SORCS2: variants seen among roughly 807,000 people sequenced by gnomAD.
The protein encoded by SORCS2 is sortilin related VPS10 domain containing receptor 2, also known as VPS10 domain-containing receptor SorCS2.
In SORCS2, 100 loss-of-function variants were observed where a neutral mutation model predicts 141.6. The observed-to-expected ratio is 0.71, with a 90% CI of 0.60 to 0.83. SORCS2 has a LOEUF of 0.83. Ranked by LOEUF, SORCS2 falls within the 40% of genes least tolerant of loss-of-function variation. The pLI is 0.00. For missense variants in SORCS2, 1,646 were observed against 1,560.2 expected (o/e 1.05, Z -0.93); for synonymous variants, 789 against 676.9 (o/e 1.17, Z -2.57).
At chr4:7,443,309 G>GCC (rs1339025679) in intron 2 of SORCS2, among the ~76,000 whole-genome samples, 39 of 152,264 alleles carry the variant, frequency 2.6e-4, no homozygotes, top group African/African-American at 8.7e-4. Flanking sequence ...AAGAAGTCTG[G>GCC]AAGGGGAGGC....
chr4:7,561,627 C>T (rs1164173486), intron 3 of SORCS2, among the ~76,000 whole-genome samples: 1 of 134,482 alleles, frequency 7.4e-6, no homozygotes, highest in African/African-American at 3.0e-5. Context: ...CGTCTATCTA[C>T]CCATTCATCT....
intron 1 of SORCS2, among the ~76,000 whole-genome samples, chr4:7,321,194 A>G (rs1014580071): frequency 2.8e-4 from 43 of 152,270 alleles, no homozygotes; most frequent in African/African-American, 9.9e-4. Context: ...AACATAGAGT[A>G]TTTGGTTTTC....
chr4:7,315,525 T>C (rs1394534091), intron 1 of SORCS2, among the ~76,000 whole-genome samples: 1 of 142,964 alleles, frequency 7.0e-6, no homozygotes, highest in African/African-American at 2.5e-5. Flanking sequence ...GGACCTGGAG[T>C]AGCCCAGGGT....
intron 4 of SORCS2, among the ~76,000 whole-genome samples, chr4:7,639,777 G>C (rs1720526876): frequency 6.6e-6 from 1 of 151,854 alleles, no homozygotes; most frequent in South Asian, 2.1e-4. Flanking sequence ...GTGAACGTGT[G>C]TGTGTGTGGG....
intron 3 of SORCS2, among the ~76,000 whole-genome samples, chr4:7,582,278 A>G (rs1402387891): frequency 1.3e-5 from 2 of 152,232 alleles, no homozygotes; most frequent in Non-Finnish European, 2.9e-5. Context: ...TTTTGAATCA[A>G]TGGATGTCTG....
intron 1 of SORCS2, among the ~76,000 whole-genome samples, chr4:7,292,511 A>C (rs1049159699): frequency 1.5e-4 from 23 of 152,312 alleles, no homozygotes; most frequent in African/African-American, 5.3e-4. Flanking sequence ...TGGCCTGGGC[A>C]GGGAGAATCA....
intron 15 of SORCS2, among the ~76,000 whole-genome samples, chr4:7,713,223 G>C (rs1448250428): frequency 2.0e-5 from 3 of 152,180 alleles, no homozygotes; most frequent in Admixed American, 1.3e-4. Flanking sequence ...AGTGGGGTCT[G>C]GGGCAAGCCC....
chr4:7,414,738 G>T (rs1013537804), intron 2 of SORCS2, among the ~76,000 whole-genome samples: 11 of 152,192 alleles, frequency 7.2e-5, no homozygotes, highest in South Asian at 2.1e-4. Flanking sequence ...CAGGTGCAAG[G>T]TTCTAAATCT....
intron 2 of SORCS2, among the ~76,000 whole-genome samples, chr4:7,403,997 A>ATATATTT (rs1265288820): frequency 5.3e-5 from 1 of 18,976 alleles, no homozygotes; most frequent in East Asian, 1.3e-3. Context: ...ATATATATAT[A>ATATATTT]TTTTTTTTTT....
At chr4:7,380,726 T>C (rs1181637359) in intron 1 of SORCS2, among the ~76,000 whole-genome samples, 1 of 152,260 alleles carries the variant, frequency 6.6e-6, no homozygotes, top group African/African-American at 2.4e-5. Flanking sequence ...AGTTACCTTC[T>C]ATGGATGACA....
At chr4:7,337,429 C>T (rs977017549) in intron 1 of SORCS2, among the ~76,000 whole-genome samples, 8 of 152,088 alleles carry the variant, frequency 5.3e-5, no homozygotes, top group African/African-American at 1.2e-4. Context: ...CCTGAGCAGG[C>T]GACCTTCAGA....
intron 2 of SORCS2, among the ~76,000 whole-genome samples, chr4:7,403,979 ATATATATATATATATATATTTTTTTTTTT>A (rs1724773609): frequency 1.7e-4 from 3 of 17,898 alleles, no homozygotes; most frequent in Non-Finnish European, 1.3e-4. Context: ...ATATATATAT[ATATATATATATATATATATTTTTTTTTTT>A]TTTTTAGTAT....
chr4:7,670,617 A>G (rs1722741167), intron 8 of SORCS2, among the ~76,000 whole-genome samples: 1 of 152,226 alleles, frequency 6.6e-6, no homozygotes, highest in Non-Finnish European at 1.5e-5. Context: ...GAACCCATCC[A>G]GTGTAACTGC....
chr4:7,589,496 G>A (rs548088654), intron 3 of SORCS2, among the ~76,000 whole-genome samples: 4 of 152,026 alleles, frequency 2.6e-5, no homozygotes, highest in East Asian at 1.9e-4. Context: ...TCTACCTCCC[G>A]GGTTCAAGCG....
intron 1 of SORCS2, among the ~76,000 whole-genome samples, chr4:7,301,949 C>T (rs1352305844): frequency 2.0e-5 from 3 of 152,202 alleles, no homozygotes; most frequent in Admixed American, 2.0e-4. Context: ...TTGCTGCACT[C>T]CTACATCCTC....
At chr4:7,421,747 C>A (rs376957471) in intron 2 of SORCS2, among the ~76,000 whole-genome samples, 1 of 152,158 alleles carries the variant, frequency 6.6e-6, no homozygotes, top group Non-Finnish European at 1.5e-5. Flanking sequence ...ACGGCCACTG[C>A]GGCCCCTCTC....
chr4:7,289,903 C>T (rs1182153023), intron 1 of SORCS2, among the ~76,000 whole-genome samples: 2 of 152,168 alleles, frequency 1.3e-5, no homozygotes, highest in Non-Finnish European at 2.9e-5. Context: ...TCTGCATCGC[C>T]ATTGTCACCT....
chr4:7,656,570 C>G (rs1168438027), intron 5 of SORCS2, among the ~76,000 whole-genome samples: 1 of 152,224 alleles, frequency 6.6e-6, no homozygotes, highest in Non-Finnish European at 1.5e-5. Flanking sequence ...AGTCCTGCTG[C>G]CCCCAAGCTG....
intron 2 of SORCS2, among the ~76,000 whole-genome samples, chr4:7,527,408 G>A (rs1019959289): frequency 1.1e-4 from 17 of 152,356 alleles, no homozygotes; most frequent in African/African-American, 4.1e-4. Flanking sequence ...TGTGGTAGTC[G>A]GCGCTGTGAC....
Sources: allele counts gnomAD v4.1 joint callset (sites outside exome capture counted in the v4.1 genomes callset), GRCh38; gene constraint gnomAD v4.1.1; transcripts MANE v1.5; gene names NCBI Gene and HGNC (gene_info 2026-07-23, HGNC 2026-07-21).